The following COL6A5 variants were observed in gnomAD, a reference collection of about 807,000 sequenced individuals.
The protein encoded by COL6A5 is collagen alpha-5(VI) chain.
A neutral mutation model predicts 65.6 loss-of-function variants in COL6A5; 48 were observed. The ratio of observed to expected loss-of-function variants is 0.73; its 90% CI spans 0.58 to 0.93. The LOEUF (loss-of-function observed/expected upper bound fraction) is 0.93, where lower values mean the gene tolerates loss of function less well. Among genes scored for constraint, COL6A5 ranks in the 40% least tolerant of loss-of-function variants. COL6A5 has a pLI of 0.00. For missense variants in COL6A5, 914 were observed against 928.3 expected, an observed-to-expected ratio of 0.98 and a Z score of 0.20; for synonymous variants, 291 against 322.8, an observed-to-expected ratio of 0.90 and a Z score of 1.05.
intron 8 of COL6A5, among the ~76,000 whole-genome samples, chr3:130,395,727 G>A (rs1156251714): frequency 6.6e-6 from 1 of 152,144 alleles, no homozygotes; most frequent in African/African-American, 2.4e-5. Context: ...TTCCCTCACG[G>A]CAATCCAGTG....
At position 130,395,470 on chromosome 3, in the gene COL6A5, G is replaced by A. The variant is rs1358534881; in HGVS notation, c.3568+5G>A. The A allele has an allele frequency of 6.5e-7, 1 of 1,530,372 alleles. No individual in the cohort carries two copies. Among genetic ancestry groups the A allele is most frequent in the Admixed American group, 2.3e-5 (1 of 43,918 alleles). The allele number at this position is 1,530,372 out of a possible 1,614,324, so 94.8% of individuals were successfully genotyped here. On this transcript the variant is annotated splice_donor_5th_base_variant and intron_variant and NMD_transcript_variant, in intron 8 of 41. Transcript: ENST00000312481. ...GCCAGAGCTGTGGGAAAACCAGTAAGTGCTTCTTGTTTGGTTTTCTTCCAT... is the reference window on the plus strand; with the variant it reads ...GCCAGAGCTGTGGGAAAACCAGTAAATGCTTCTTGTTTGGTTTTCTTCCAT...
intron 7 of COL6A5, among the ~76,000 whole-genome samples, chr3:130,482,363 G>T (rs1392804120): frequency 1.3e-5 from 2 of 151,660 alleles, no homozygotes; most frequent in East Asian, 3.9e-4. Flanking sequence ...GTAGATGCAT[G>T]GCATTATTTC....
At chr3:130,431,327 C>T (rs925044243), upstream of COL6A5, 19 of 938,896 alleles carry the variant, frequency 2.0e-5, no homozygotes, top group Non-Finnish European at 2.7e-5. Flanking sequence ...TTTCTTTGCA[C>T]ATGGGTACCT....
intron 1 of COL6A5, among the ~76,000 whole-genome samples, chr3:130,366,885 C>T (rs1445369962): frequency 6.6e-6 from 1 of 152,138 alleles, no homozygotes; most frequent in Non-Finnish European, 1.5e-5. Context: ...GGTTTATGAC[C>T]TTTACTGACC....
intron 2 of COL6A5, among the ~76,000 whole-genome samples, chr3:130,374,289 A>G (rs1935680763): frequency 6.6e-6 from 1 of 152,176 alleles, no homozygotes; most frequent in Non-Finnish European, 1.5e-5. Context: ...CTCATAGGCT[A>G]AAAACCTGTA....
chr3:130,363,961 C>G (rs1191109863), intron 1 of COL6A5, among the ~76,000 whole-genome samples: 1 of 152,116 alleles, frequency 6.6e-6, no homozygotes, highest in Non-Finnish European at 1.5e-5. Flanking sequence ...TTCCCTGTGA[C>G]AAAGAAAAAT....
chr3:130,448,740 A>G (rs1709361033), intron 4 of COL6A5, among the ~76,000 whole-genome samples: 1 of 152,182 alleles, frequency 6.6e-6, no homozygotes, highest in African/African-American at 2.4e-5. Context: ...TCCAACATGA[A>G]GCTGGCAGAT....
At chr3:130,388,723 G>A (rs1399958923) in exon 6 of COL6A5, 2 of 1,551,184 alleles carry the variant, frequency 1.3e-6, no homozygotes, top group Non-Finnish European at 1.7e-6. Context: ...CCAGATTGGT[G>A]TTGTTCAGTT....
rs78930803 is a variant in COL6A5, at chr3:130,360,495, T to C, written c.-28-13116T>C. On this transcript the variant is annotated intron_variant and NMD_transcript_variant, in intron 1 of 41. Coordinates refer to the COL6A5 transcript ENST00000312481. ...TGATTCATTTATGCAGAGGGAAACC[T>C]TCTGGAAGAATACATCCAAACCAGT... Among the ~76,000 whole-genome samples the C allele has an allele frequency of 8.3e-3, 1,267 of 152,212 alleles. 17 individuals carry two copies. Among genetic ancestry groups the C allele is most frequent in the African/African-American group, 0.029 (1,210 of 41,556 alleles).
At chr3:130,442,635 A>G (rs1031639714) in intron 3 of COL6A5, among the ~76,000 whole-genome samples, 5 of 152,306 alleles carry the variant, frequency 3.3e-5, no homozygotes, top group South Asian at 4.1e-4. Flanking sequence ...GCTCTCCCCA[A>G]TTCTACAAGT....
chr3:130,452,907 A>G (rs1025623761), intron 4 of COL6A5, among the ~76,000 whole-genome samples: 1 of 152,150 alleles, frequency 6.6e-6, no homozygotes, highest in African/African-American at 2.4e-5. Context: ...TTCCTTGCTG[A>G]GAAAAAGAAT....
intron 1 of COL6A5, among the ~76,000 whole-genome samples, chr3:130,371,780 A>G (rs1935572008): frequency 6.6e-6 from 1 of 152,184 alleles, no homozygotes; most frequent in Non-Finnish European, 1.5e-5. Flanking sequence ...TTTAGATATG[A>G]CACTAAAAGC....
chr3:130,397,955 A>G, intron 9 of COL6A5, 32 bp downstream of exon 9: 1 of 1,544,570 alleles, frequency 6.5e-7, no homozygotes, highest in Non-Finnish European at 8.8e-7. Context: ...TCCCATCTCC[A>G]CATTCTCCCA....
At chr3:130,387,495 C>A (rs1048415169) in intron 5 of COL6A5, among the ~76,000 whole-genome samples, 2 of 152,100 alleles carry the variant, frequency 1.3e-5, no homozygotes, top group African/African-American at 4.8e-5. Flanking sequence ...GCCACTCTGT[C>A]AAGGCCACAA....
At chr3:130,481,702 C>T (rs967494662) in intron 7 of COL6A5, among the ~76,000 whole-genome samples, 10 of 152,154 alleles carry the variant, frequency 6.6e-5, no homozygotes, top group Admixed American at 6.5e-4. Context: ...TCCTCACCAG[C>T]ATCTGTTGTT....
intron 25 of COL6A5, among the ~76,000 whole-genome samples, chr3:130,419,314 G>A (rs1166700413): frequency 2.0e-5 from 3 of 152,128 alleles, no homozygotes; most frequent in Non-Finnish European, 4.4e-5. Context: ...AAGAAATGGG[G>A]CATCACATTT....
At chr3:130,483,683 G>A (rs546658105) in intron 7 of COL6A5, among the ~76,000 whole-genome samples, 1 of 152,258 alleles carries the variant, frequency 6.6e-6, no homozygotes, top group African/African-American at 2.4e-5. Flanking sequence ...AGAAATTAAT[G>A]TTAAAAAAGA....
At chr3:130,395,135 G>C in exon 8 of COL6A5, 10 of 1,551,646 alleles carry the variant, frequency 6.4e-6, no homozygotes, top group Non-Finnish European at 8.7e-6. Context: ...CAAGAGCGGT[G>C]GATTTCCAAG....
chr3:130,448,512 A>G (rs1459926896), intron 4 of COL6A5, among the ~76,000 whole-genome samples: 2 of 152,180 alleles, frequency 1.3e-5, no homozygotes, highest in Admixed American at 6.5e-5. Flanking sequence ...TTGAGGTCGA[A>G]TGCATTGTTT....
Sources: allele counts gnomAD v4.1 joint callset (sites outside exome capture counted in the v4.1 genomes callset), GRCh38; gene constraint gnomAD v4.1.1; transcripts MANE v1.5; gene names NCBI Gene and HGNC (gene_info 2026-07-23, HGNC 2026-07-21).